TMEM132D: variants seen among roughly 807,000 people sequenced by gnomAD.
TMEM132D encodes mature OL transmembrane protein.
In TMEM132D, 21 loss-of-function variants were observed where a neutral mutation model predicts 62.3. The observed-to-expected ratio is 0.34, with a 90% CI of 0.24 to 0.49. TMEM132D has a LOEUF of 0.49. Ranked by LOEUF, TMEM132D falls within the 20% of genes least tolerant of loss-of-function variation. The pLI is 0.99. For missense variants in TMEM132D, 1,346 were observed against 1,402.8 expected (o/e 0.96, Z 0.65); for synonymous variants, 621 against 575.6 (o/e 1.08, Z -1.13).
intron 4 of TMEM132D, among the ~76,000 whole-genome samples, chr12:129,328,115 A>T (rs1321073424): frequency 6.6e-6 from 1 of 152,226 alleles, no homozygotes; most frequent in Non-Finnish European, 1.5e-5. Context: ...TCTGAGCTCA[A>T]ATGTCATCTC....
At chr12:129,892,975 C>T (rs1874978649) in intron 1 of TMEM132D, among the ~76,000 whole-genome samples, 1 of 152,146 alleles carries the variant, frequency 6.6e-6, no homozygotes, top group Non-Finnish European at 1.5e-5. Context: ...CTCCCAGGTT[C>T]AAGTGATTCT....
At chr12:129,374,274 A>AGAGAGAGAGAGAGAGG (rs1362548414) in intron 3 of TMEM132D, among the ~76,000 whole-genome samples, 1 of 151,398 alleles carries the variant, frequency 6.6e-6, no homozygotes, top group Non-Finnish European at 1.5e-5. Context: ...CACATCAGAG[A>AGAGAGAGAGAGAGAGG]GAGAGAGAGA....
chr12:129,668,817 G>T (rs1044516014), intron 2 of TMEM132D, among the ~76,000 whole-genome samples: 4 of 152,156 alleles, frequency 2.6e-5, no homozygotes, highest in African/African-American at 9.7e-5. Context: ...ATTTTACCAA[G>T]GCTTTGACTG....
At chr12:129,847,507 G>A (rs775794323) in intron 1 of TMEM132D, among the ~76,000 whole-genome samples, 84 of 152,236 alleles carry the variant, frequency 5.5e-4, no homozygotes, top group Admixed American at 1.2e-3. Flanking sequence ...GGCTTCCAAC[G>A]GCTCTGGTCA....
chr12:129,340,119 A>G (rs1420090284), intron 3 of TMEM132D, among the ~76,000 whole-genome samples: 1 of 152,180 alleles, frequency 6.6e-6, no homozygotes, highest in Non-Finnish European at 1.5e-5. Context: ...ATAGAAGGTA[A>G]TAAGTGCTCC....
intron 1 of TMEM132D, among the ~76,000 whole-genome samples, chr12:129,832,061 T>G (rs1330516245): frequency 1.7e-5 from 2 of 120,442 alleles, no homozygotes; most frequent in Non-Finnish European, 1.8e-5. Context: ...TTTTTTTTTT[T>G]GTATTTTAGT....
intron 1 of TMEM132D, among the ~76,000 whole-genome samples, chr12:129,759,756 T>C (rs1274922568): frequency 6.6e-6 from 1 of 152,210 alleles, no homozygotes; most frequent in African/African-American, 2.4e-5. Flanking sequence ...CAACATATTA[T>C]TAACAATAAA....
intron 4 of TMEM132D, among the ~76,000 whole-genome samples, chr12:129,229,991 T>C (rs1257291580): frequency 6.6e-6 from 1 of 152,226 alleles, no homozygotes; most frequent in Non-Finnish European, 1.5e-5. Context: ...TCTTTTAGGC[T>C]AGTGTAAAAA....
At chr12:129,731,503 C>A (rs969764896) in intron 1 of TMEM132D, among the ~76,000 whole-genome samples, 1 of 152,002 alleles carries the variant, frequency 6.6e-6, no homozygotes, top group African/African-American at 2.4e-5. Context: ...AGGAAGTAAC[C>A]AAGGGCATAT....
chr12:129,270,274 G>A (rs1460601580), intron 4 of TMEM132D, among the ~76,000 whole-genome samples: 5 of 152,138 alleles, frequency 3.3e-5, no homozygotes, highest in Admixed American at 6.5e-5. Context: ...AAGCTATATT[G>A]AGACCATAAG....
At chr12:129,674,255 T>C (rs1199880820) in intron 2 of TMEM132D, among the ~76,000 whole-genome samples, 1 of 152,232 alleles carries the variant, frequency 6.6e-6, no homozygotes, top group East Asian at 1.9e-4. Flanking sequence ...TCAGCCTGCA[T>C]AGATCTGAAT....
intron 2 of TMEM132D, among the ~76,000 whole-genome samples, chr12:129,675,774 A>G (rs1880613555): frequency 6.6e-6 from 1 of 152,146 alleles, no homozygotes; most frequent in Non-Finnish European, 1.5e-5. Flanking sequence ...CTCCAAACAC[A>G]CCCACACACA....
intron 3 of TMEM132D, among the ~76,000 whole-genome samples, chr12:129,428,081 G>C (rs972021842): frequency 1.3e-5 from 2 of 152,240 alleles, no homozygotes; most frequent in African/African-American, 4.8e-5. Context: ...AAAGAGAAGA[G>C]AGGAAACAGG....
intron 5 of TMEM132D, among the ~76,000 whole-genome samples, chr12:129,117,760 T>C (rs143151159): frequency 6.6e-6 from 1 of 152,240 alleles, no homozygotes; most frequent in Non-Finnish European, 1.5e-5. Flanking sequence ...ACTACATGTC[T>C]CCTTTTAAGG....
At chr12:129,687,489 G>T (rs1041409010) in intron 2 of TMEM132D, among the ~76,000 whole-genome samples, 1 of 151,822 alleles carries the variant, frequency 6.6e-6, no homozygotes, top group African/African-American at 2.4e-5. Context: ...CTTGGTGGGA[G>T]GGTGAATGCA....
At chr12:129,688,919 C>G (rs1880995286) in intron 2 of TMEM132D, among the ~76,000 whole-genome samples, 1 of 152,152 alleles carries the variant, frequency 6.6e-6, no homozygotes, top group Admixed American at 6.5e-5. Context: ...CAACCATAAT[C>G]TAGTCCAGGA....
At chr12:129,607,977 C>T (rs1198833733) in intron 2 of TMEM132D, among the ~76,000 whole-genome samples, 2 of 152,130 alleles carry the variant, frequency 1.3e-5, no homozygotes, top group Non-Finnish European at 2.9e-5. Context: ...CTGACTGCGG[C>T]GGGGGAGGAG....
intron 2 of TMEM132D, among the ~76,000 whole-genome samples, chr12:129,691,650 T>C (rs1881063432): frequency 1.3e-5 from 2 of 152,158 alleles, no homozygotes; most frequent in African/African-American, 4.8e-5. Context: ...TGGTAAATAT[T>C]TGAGGTGATG....
intron 1 of TMEM132D, among the ~76,000 whole-genome samples, chr12:129,776,600 G>A (rs1870931899): frequency 1.3e-5 from 2 of 151,292 alleles, no homozygotes; most frequent in Middle Eastern, 3.4e-3. Flanking sequence ...CTTGTATTTT[G>A]GAAAAATTGC....
Sources: gnomAD v4.1 joint callset for allele counts (sites outside exome capture counted in the v4.1 genomes callset) on GRCh38, gnomAD v4.1.1 for gene constraint, MANE v1.5 for transcripts, NCBI Gene and HGNC (gene_info 2026-07-23, HGNC 2026-07-21) for gene names.